Variants in XPR1 observed in about 807,000 individuals in gnomAD.
XPR1 encodes solute carrier family 53 member 1.
A neutral mutation model predicts 87.5 loss-of-function variants in XPR1; 28 were observed. That is an observed-to-expected ratio of 0.32 (90% CI 0.24 to 0.44). XPR1 has a LOEUF of 0.44. XPR1 is among the 20% of genes least tolerant of loss of function. The pLI, the probability that XPR1 is intolerant of heterozygous loss-of-function variation, is 1.00. For synonymous variants in XPR1, 300 were observed against 306.1 expected, an observed-to-expected ratio of 0.98 and a Z score of 0.21; for missense variants, 559 against 862.3, an observed-to-expected ratio of 0.65 and a Z score of 4.41.
At chr1:180,716,979 A>G (rs1658017924) in intron 2 of XPR1, among the ~76,000 whole-genome samples, 1 of 152,092 alleles carries the variant, frequency 6.6e-6, no homozygotes. Flanking sequence ...AGCCATGCCA[A>G]ACACACGTAA....
At chr1:180,711,073 G>T (rs1284195268) in intron 2 of XPR1, among the ~76,000 whole-genome samples, 2 of 147,622 alleles carry the variant, frequency 1.4e-5, no homozygotes, top group African/African-American at 5.0e-5. Flanking sequence ...GGGCAGAGAC[G>T]CTCCTCACCT....
chr1:180,761,380 G>A (rs543943187), intron 2 of XPR1, among the ~76,000 whole-genome samples: 8 of 152,208 alleles, frequency 5.3e-5, no homozygotes, highest in African/African-American at 1.9e-4. Context: ...GTCTGACAAA[G>A]GGCTAATATC....
intron 11 of XPR1, among the ~76,000 whole-genome samples, chr1:180,847,238 GT>G (rs1651716343): frequency 6.6e-6 from 1 of 152,098 alleles, no homozygotes; most frequent in Admixed American, 6.6e-5. Flanking sequence ...GACTAATTCT[GT>G]TTCCTTTCTC....
intron 2 of XPR1, among the ~76,000 whole-genome samples, chr1:180,693,673 C>G (rs1239532990): frequency 6.6e-6 from 1 of 152,130 alleles, no homozygotes; most frequent in Non-Finnish European, 1.5e-5. Flanking sequence ...TTGCCTCTTA[C>G]AGCTTCTGGT....
intron 6 of XPR1, among the ~76,000 whole-genome samples, chr1:180,810,222 C>T (rs778574392): frequency 6.6e-5 from 10 of 152,028 alleles, no homozygotes; most frequent in South Asian, 2.1e-4. Context: ...CCTACATACA[C>T]GGGAGATTTG....
chr1:180,751,217 C>T (rs575426444), intron 2 of XPR1, among the ~76,000 whole-genome samples: 41 of 151,996 alleles, frequency 2.7e-4, no homozygotes, highest in Non-Finnish European at 4.4e-4. Context: ...TACAGTTTTC[C>T]TTTCCTATCA....
intron 2 of XPR1, among the ~76,000 whole-genome samples, chr1:180,734,448 A>G (rs756044071): frequency 2.6e-5 from 4 of 152,222 alleles, no homozygotes; most frequent in Non-Finnish European, 4.4e-5. Context: ...GGGTTAGGCA[A>G]TCATGATGGG....
chr1:180,690,361 T>C (rs1656936785), intron 2 of XPR1, among the ~76,000 whole-genome samples: 2 of 152,154 alleles, frequency 1.3e-5, no homozygotes, highest in African/African-American at 4.8e-5. Flanking sequence ...TGGACTCTCA[T>C]GGAGAGTCTT....
chr1:180,657,191 AT>A (rs955617351), intron 1 of XPR1, among the ~76,000 whole-genome samples: 1 of 151,570 alleles, frequency 6.6e-6, no homozygotes, highest in Non-Finnish European at 1.5e-5. Context: ...GGATTATTAG[AT>A]TTTTTTTCCT....
chr1:180,790,139 T>C (rs1649319498), intron 3 of XPR1, among the ~76,000 whole-genome samples: 1 of 152,078 alleles, frequency 6.6e-6, no homozygotes, highest in South Asian at 2.1e-4. Context: ...TGCATCTCTC[T>C]CCCAAATGCC....
chr1:180,852,672 CTGAGTAGCTAGGACTACAGGTG>C (rs1651902594), intron 11 of XPR1, among the ~76,000 whole-genome samples: 1 of 152,172 alleles, frequency 6.6e-6, no homozygotes, highest in South Asian at 2.1e-4. Context: ...CCTCAGCCTC[CTGAGTAGCTAGGACTACAGGTG>C]TGCGCCACCA....
chr1:180,690,658 C>T (rs780338724), intron 2 of XPR1, among the ~76,000 whole-genome samples: 7 of 151,668 alleles, frequency 4.6e-5, no homozygotes, highest in Non-Finnish European at 8.8e-5. Flanking sequence ...TAGTTTATTT[C>T]TTTGCATAGC....
chr1:180,643,286 C>T (rs1190101394), intron 1 of XPR1, among the ~76,000 whole-genome samples: 1 of 152,042 alleles, frequency 6.6e-6, no homozygotes, highest in Non-Finnish European at 1.5e-5. Flanking sequence ...TTAATATGTG[C>T]TTTTTTTCAC....
intron 2 of XPR1, among the ~76,000 whole-genome samples, chr1:180,768,896 G>A (rs913905147): frequency 3.3e-5 from 5 of 152,118 alleles, no homozygotes; most frequent in African/African-American, 1.2e-4. Flanking sequence ...AAAGTAAAAT[G>A]GGCATTTATT....
At chr1:180,789,694 A>G (rs1649305969) in intron 3 of XPR1, among the ~76,000 whole-genome samples, 1 of 151,898 alleles carries the variant, frequency 6.6e-6, no homozygotes, top group Admixed American at 6.6e-5. Flanking sequence ...TGCTAGCATT[A>G]TAGACATGGC....
chr1:180,683,381 T>C (rs1656652317), intron 2 of XPR1, among the ~76,000 whole-genome samples: 2 of 152,180 alleles, frequency 1.3e-5, no homozygotes, highest in Non-Finnish European at 2.9e-5. Flanking sequence ...GACATTTGGG[T>C]TGGTTCCAAG....
intron 1 of XPR1, among the ~76,000 whole-genome samples, chr1:180,681,288 C>T (rs1656570549): frequency 6.6e-6 from 1 of 152,114 alleles, no homozygotes. Flanking sequence ...TCACTATAGA[C>T]CATATGTATT....
chr1:180,844,361 G>C (rs73044538), intron 11 of XPR1, among the ~76,000 whole-genome samples: 6,555 of 152,070 alleles, frequency 0.043, 507 homozygotes, highest in African/African-American at 0.15. Flanking sequence ...GAAAGCTATG[G>C]TGAAAAGTAT....
chr1:180,655,639 C>A (rs141106548), intron 1 of XPR1, among the ~76,000 whole-genome samples: 1 of 151,984 alleles, frequency 6.6e-6, no homozygotes, highest in Non-Finnish European at 1.5e-5. Flanking sequence ...GTTCTTGTTG[C>A]CTATGCCTTT....
Sources: allele counts gnomAD v4.1 joint callset (sites outside exome capture counted in the v4.1 genomes callset), GRCh38; gene constraint gnomAD v4.1.1; transcripts MANE v1.5; gene names NCBI Gene and HGNC (gene_info 2026-07-23, HGNC 2026-07-21).